BOC: variants seen among roughly 807,000 people sequenced by gnomAD.
BOC encodes BOC cell adhesion associated, oncogene regulated, also known as brother of CDO.
Under a neutral mutation model 112.0 loss-of-function variants are expected in BOC, and 76 were observed. That is an observed-to-expected ratio of 0.68 (90% confidence interval 0.56 to 0.82). BOC has a LOEUF of 0.82. Ranked by LOEUF, BOC falls within the 40% of genes least tolerant of loss-of-function variation. The pLI, the probability that BOC is intolerant of heterozygous loss-of-function variation, is 0.00. For synonymous variants in BOC, 580 were observed against 599.8 expected, an observed-to-expected ratio of 0.97 and a Z score of 0.48; for missense variants, 1,309 against 1,511.7, an observed-to-expected ratio of 0.87 and a Z score of 2.22.
At chr3:113,232,491 T>C (rs1398067817) in intron 2 of BOC, among the ~76,000 whole-genome samples, 1 of 152,080 alleles carries the variant, frequency 6.6e-6, no homozygotes, top group Non-Finnish European at 1.5e-5. Flanking sequence ...TGAGGTCAGA[T>C]GGGAAAGAAA....
At position 113,282,558 on chromosome 3, in the gene BOC, A is replaced by T. The variant is rs552678178; in HGVS notation, c.2435-853A>T. 5.9e-5 allele frequency among the ~76,000 whole-genome samples: 9 copies of T among 152,272 alleles called. No homozygotes were observed. The East Asian group carries it at 7.7e-4, about 13-fold the overall frequency. Reference sequence around the variant, plus strand: ...TTACTGAGTCTTTGACTCTTTGGAGACATTGAAATGAAGTGTCTTGATAAG... The same window carrying T: ...TTACTGAGTCTTTGACTCTTTGGAGTCATTGAAATGAAGTGTCTTGATAAG... On this transcript the variant is annotated intron_variant, in intron 15 of 19. Coordinates refer to ENST00000682979, the MANE Select transcript of BOC (RefSeq NM_001378074.1).
intron 16 of BOC, 71 bp downstream of exon 16, chr3:113,283,703 C>G (rs1949404566): frequency 3.5e-6 from 5 of 1,434,916 alleles, no homozygotes; most frequent in Non-Finnish European, 4.8e-6. Context: ...AGGCCTCTGC[C>G]TAGGTCTGTG....
chr3:113,223,977 G>A (rs1252929373), intron 2 of BOC, among the ~76,000 whole-genome samples: 4 of 152,238 alleles, frequency 2.6e-5, no homozygotes, highest in South Asian at 2.1e-4. Flanking sequence ...CTGTGTTTGG[G>A]TTCCACATCT....
At chr3:113,277,169 T>C (rs1013935896) in intron 9 of BOC, among the ~76,000 whole-genome samples, 4 of 152,208 alleles carry the variant, frequency 2.6e-5, no homozygotes, top group Admixed American at 6.5e-5. Context: ...ATTGAAATGA[T>C]AGAAACTGCA....
At chr3:113,253,916 A>G (rs768108220) in intron 4 of BOC, among the ~76,000 whole-genome samples, 1 of 152,230 alleles carries the variant, frequency 6.6e-6, no homozygotes, top group Non-Finnish European at 1.5e-5. Context: ...AAGTCTGTAG[A>G]GACTCAAGAC....
rs142679662 is a variant in BOC, at chr3:113,250,765, G to A, written c.308G>A (p.Arg103Gln). The stretch of plus-strand genomic sequence containing the variant: ...GCCCTTAACAACCACACTGTGGGAC[G>A]GTACCAGTGTGTGGCCCGGATGCCT... The part of the protein sequence containing the change: ...ITALNNHTVG[R>Q]YQCVARMPAG... The change falls in exon 4 of 20, where the codon CGG (arginine) becomes CAG (glutamine). Residue 103 changes from arginine (R) to glutamine (Q), a missense_variant. Transcript: ENST00000682979. 21 of 1,614,000 alleles carry A rather than the reference G, an allele frequency of 1.3e-5. No homozygotes were observed. Among genetic ancestry groups the A allele is most frequent in the African/African-American group, 4.0e-5 (3 of 74,914 alleles).
rs78252357 is a variant in BOC at position 113,227,913 on chromosome 3, C to T, written c.-82+11639C>T. Among the ~76,000 whole-genome samples the T allele has an allele frequency of 3.3e-3, 504 of 151,332 alleles. 3 individuals are homozygous for T. The highest frequency in any genetic ancestry group is 0.011 in the African/African-American group (473 of 41,234). On this transcript the variant is annotated intron_variant, in intron 2 of 19. Transcript: ENST00000682979. ...ATGATTTTGTTTTCATTACTGTGCT[C>T]TGTGTGCAGGATAGGTCAAAGATGG...
rs116623173 is a variant in BOC at position 113,254,474 on chromosome 3, G to A, written c.376+3641G>A. Among the ~76,000 whole-genome samples the A allele has an allele frequency of 2.8e-3, 425 of 152,294 alleles. 2 individuals carry two copies. The highest frequency in any genetic ancestry group is 4.7e-3 in the Non-Finnish European group (321 of 68,026). On this transcript the variant is annotated intron_variant, in intron 4 of 19. Transcript: ENST00000682979. ...TGCCATTAGGGGATCTGGCCCAGAC[G>A]CAGCAGTAGATTAAGTTTCTGAAAG...
chr3:113,229,792 G>A (rs1317419806), intron 2 of BOC, among the ~76,000 whole-genome samples: 2 of 152,220 alleles, frequency 1.3e-5, no homozygotes, highest in East Asian at 1.9e-4. Context: ...TTTATGCAAA[G>A]TGTTCAATTT....
chr3:113,216,440 A>G (rs1939383721), intron 2 of BOC, 166 bp downstream of exon 2: 3 of 351,384 alleles, frequency 8.5e-6, no homozygotes, highest in Non-Finnish European at 1.7e-5. Context: ...AGCTCGGTTC[A>G]TATGCTCTTT....
chr3:113,260,958 C>T (rs1946810370), intron 4 of BOC, among the ~76,000 whole-genome samples: 1 of 152,184 alleles, frequency 6.6e-6, no homozygotes, highest in Non-Finnish European at 1.5e-5. Flanking sequence ...TCCATGAAAC[C>T]CGTCCCTGAT....
intron 4 of BOC, among the ~76,000 whole-genome samples, chr3:113,254,064 A>C (rs190222768): frequency 6.6e-6 from 1 of 152,330 alleles, no homozygotes; most frequent in East Asian, 1.9e-4. Flanking sequence ...GAGACAATTT[A>C]TTAGCCTTCA....
intron 2 of BOC, among the ~76,000 whole-genome samples, chr3:113,223,760 A>C (rs1396424447): frequency 1.3e-5 from 2 of 152,152 alleles, no homozygotes; most frequent in Non-Finnish European, 2.9e-5. Flanking sequence ...AGTTTTAAGT[A>C]TGGCTTTCTC....
At chr3:113,277,375 C>T (rs918634223) in intron 9 of BOC, among the ~76,000 whole-genome samples, 1 of 152,214 alleles carries the variant, frequency 6.6e-6, no homozygotes, top group Non-Finnish European at 1.5e-5. Context: ...CTCTGAGTTA[C>T]ACAACCGGGA....
At chr3:113,233,962 T>C (rs953902313) in intron 2 of BOC, among the ~76,000 whole-genome samples, 4 of 152,264 alleles carry the variant, frequency 2.6e-5, no homozygotes, top group Admixed American at 2.6e-4. Context: ...AGCTCCACTT[T>C]GCAGCCGGAG....
chr3:113,264,023 A>T (rs13064395), intron 4 of BOC, among the ~76,000 whole-genome samples: 4 of 152,238 alleles, frequency 2.6e-5, no homozygotes, highest in Non-Finnish European at 5.9e-5. Context: ...GTGATGTATC[A>T]GAGTGTACGT....
intron 15 of BOC, 27 bp downstream of exon 15, chr3:113,281,180 G>A (rs200654517): frequency 1.2e-6 from 2 of 1,611,588 alleles, no homozygotes; most frequent in Non-Finnish European, 1.7e-6. Flanking sequence ...TCTCTCTCCT[G>A]TCTTGGTGTT....
rs1271590161 is a variant in BOC at position 113,278,444 on chromosome 3, C to T, written c.1705+187C>T. On this transcript the variant is annotated intron_variant, in intron 10 of 19. Coordinates refer to ENST00000682979, the MANE Select transcript of BOC (RefSeq NM_001378074.1). The surrounding 1 kb of genome is among the most constrained non-coding windows in gnomAD (Gnocchi z 4.2). Reference sequence around the variant, plus strand: ...TCCCAGCTCTCATCAGGAGAGTAGCCAGCCGGCCTCTCTGGCACCCCTTCA... The same window carrying T: ...TCCCAGCTCTCATCAGGAGAGTAGCTAGCCGGCCTCTCTGGCACCCCTTCA... Among the ~76,000 whole-genome samples the T allele has an allele frequency of 2.6e-5, 4 of 152,070 alleles. No homozygotes were observed. The highest frequency in any genetic ancestry group is 7.2e-5 in the African/African-American group (3 of 41,406).
intron 2 of BOC, among the ~76,000 whole-genome samples, chr3:113,220,205 A>T (rs138645310): frequency 9.2e-4 from 140 of 152,332 alleles, no homozygotes; most frequent in Middle Eastern, 3.4e-3. Flanking sequence ...AGAATTCGAC[A>T]GGCAGTTACC....
Sources: allele counts gnomAD v4.1 joint callset (sites outside exome capture counted in the v4.1 genomes callset), GRCh38; gene constraint gnomAD v4.1.1; non-coding constraint Gnocchi (gnomAD v3.1); transcripts MANE v1.5; gene names NCBI Gene and HGNC (gene_info 2026-07-23, HGNC 2026-07-21).